TGM5: variants seen among roughly 807,000 people sequenced by gnomAD.
The protein encoded by TGM5 is protein-glutamine gamma-glutamyltransferase 5.
In TGM5, 69 loss-of-function variants were observed where a neutral mutation model predicts 77.2. The observed-to-expected ratio is 0.89, with a 90% CI of 0.74 to 1.09. The LOEUF is 1.09. Ranked by LOEUF, TGM5 falls within the 50% of genes least tolerant of loss-of-function variation. The probability of loss-of-function intolerance (pLI) is 0.00; values close to 1 mark genes in which losing one functional copy is unlikely to be tolerated. For missense variants in TGM5, 842 were observed against 896.5 expected, an observed-to-expected ratio of 0.94 and a Z score of 0.78; for synonymous variants, 346 against 351.8, an observed-to-expected ratio of 0.98 and a Z score of 0.18.
In TGM5 at chr15:43,256,669, C is replaced by T; in HGVS notation, c.454G>A (p.Asp152Asn). The T allele has an allele frequency of 6.2e-7, 1 of 1,613,700 alleles. No homozygotes were observed. The highest frequency in any genetic ancestry group is 8.5e-7 in the Non-Finnish European group (1 of 1,179,680). The change falls in exon 4 of 13, where the codon GAC becomes AAC. Residue 152 changes from aspartate to asparagine, a missense_variant. By Grantham distance (23) the Asp-to-Asn change is conservative. Coordinates refer to ENST00000220420, the MANE Select transcript of TGM5 (RefSeq NM_201631.4). Reference sequence around the variant, plus strand: ...TACTCCTGCCTCTGGGGTTCACTGTCCAAGTAGACAGCATCCTCTAGGAAC... The same window carrying T: ...TACTCCTGCCTCTGGGGTTCACTGTTCAAGTAGACAGCATCCTCTAGGAAC... Reference protein sequence around the residue: ...PWCPEDAVYLDSEPQRQEYVM... With the variant: ...PWCPEDAVYLNSEPQRQEYVM...
At chr15:43,259,001 C>A (rs955860426) in intron 3 of TGM5, among the ~76,000 whole-genome samples, 1 of 152,088 alleles carries the variant, frequency 6.6e-6, no homozygotes, top group Non-Finnish European at 1.5e-5. Flanking sequence ...TGGTTAGAGG[C>A]GTTAGAACCC....
In TGM5 at chr15:43,253,506, C is replaced by T. The variant is rs781595457; in HGVS notation, c.684G>A (p.Met228Ile). 1.9e-6 allele frequency: 3 copies of T among 1,611,680 alleles called. No homozygotes were observed. The highest frequency in any genetic ancestry group is 2.5e-6 in the Non-Finnish European group (3 of 1,180,014). ...TCCCCGGGCACGCCAGGGACCTCAC[C>T]ATGGCACACACCACTCTGCTGACGT... ...PVYVSRVVCAMINSNDDNGVL... is the reference protein window; with the variant it reads ...PVYVSRVVCAIINSNDDNGVL... Residue 228 changes from methionine (M) to isoleucine (I), a missense_variant and splice_region_variant, in exon 5 of 13, where the codon ATG becomes ATA. Coordinates refer to ENST00000220420, the MANE Select transcript of TGM5 (RefSeq NM_201631.4).
At chr15:43,249,453 C>G (rs2042690057) in intron 6 of TGM5, among the ~76,000 whole-genome samples, 1 of 152,218 alleles carries the variant, frequency 6.6e-6, no homozygotes, top group Non-Finnish European at 1.5e-5. Context: ...CCCTAAGCAA[C>G]CACGCTCTAC....
chr15:43,247,315 C>T (rs1483569736), intron 6 of TGM5, among the ~76,000 whole-genome samples: 1 of 151,702 alleles, frequency 6.6e-6, no homozygotes, highest in Non-Finnish European at 1.5e-5. Flanking sequence ...TGCAAAGAAA[C>T]AGAAAAATAT....
intron 8 of TGM5, 51 bp from the exon 9 acceptor site, chr15:43,239,107 A>G (rs375519935): frequency 1.3e-6 from 2 of 1,501,080 alleles, no homozygotes; most frequent in Non-Finnish European, 9.2e-7. Flanking sequence ...AGGGCTGGGC[A>G]GGGGTGGGGT....
chr15:43,244,846 T>C (rs1396348356), intron 6 of TGM5, among the ~76,000 whole-genome samples: 2 of 152,024 alleles, frequency 1.3e-5, no homozygotes, highest in Non-Finnish European at 2.9e-5. Context: ...GGAGGGAGGA[T>C]TGCTTGAGCC....
At chr15:43,261,078 T>A (rs1224673900) in intron 1 of TGM5, among the ~76,000 whole-genome samples, 2 of 50,390 alleles carry the variant, frequency 4.0e-5, no homozygotes, top group Non-Finnish European at 9.2e-5. Context: ...GTGTGTGTGT[T>A]TTTTTTTTTT....
rs113766373 is a variant in TGM5, at chr15:43,252,873, C to A, written c.748G>T (p.Ala250Ser). ...CTGCCCGTCCACTCCGCAGGGTTGG[C>A]GCCGTCTGTGTAATTCTCACTCCAG... ...GNWSENYTDG[A>S]NPAEWTGSVA... Residue 250 changes from alanine (A) to serine (S), a missense_variant, in exon 6 of 13, where the codon GCC becomes TCC. Around this residue, in one of 2 missense-constraint regions of TGM5, gnomAD observed 815 missense variants for 844.6 expected, o/e 0.96. Transcript: ENST00000220420. The A allele has an allele frequency of 1.6e-5, 26 of 1,613,866 alleles. 1 individual carries two copies. The African/African-American group carries it at 2.0e-4, about 12-fold the overall frequency.
At chr15:43,263,856 G>A (rs183751682) in intron 1 of TGM5, among the ~76,000 whole-genome samples, 5 of 152,234 alleles carry the variant, frequency 3.3e-5, no homozygotes, top group East Asian at 1.9e-4. Flanking sequence ...CAAGAACATC[G>A]TCAAGAAAGT....
At chr15:43,248,528 A>G (rs2042683668) in intron 6 of TGM5, among the ~76,000 whole-genome samples, 2 of 152,230 alleles carry the variant, frequency 1.3e-5, no homozygotes, top group Non-Finnish European at 2.9e-5. Flanking sequence ...GGCAGAGATT[A>G]AAACAGTACC....
chr15:43,260,001 G>T (rs770991084), intron 3 of TGM5, 51 bp downstream of exon 3: 12 of 1,611,106 alleles, frequency 7.4e-6, no homozygotes, highest in Middle Eastern at 4.4e-4. Context: ...TGTCTCTCTG[G>T]CAGCACTGAC....
At chr15:43,261,107 T>TTG (rs2042787684) in intron 1 of TGM5, among the ~76,000 whole-genome samples, 1 of 126,744 alleles carries the variant, frequency 7.9e-6, no homozygotes. Flanking sequence ...TTTTTTTTTT[T>TTG]GAGACAGAGT....
At chr15:43,239,900 G>A (rs79338229) in intron 7 of TGM5, among the ~76,000 whole-genome samples, 5,504 of 152,176 alleles carry the variant, frequency 0.036, 331 homozygotes, top group African/African-American at 0.12. Context: ...AGGTAAGGCC[G>A]TCCTGTGGTC....
In TGM5 at chr15:43,239,209, A is replaced by G. The variant is rs1220736401; in HGVS notation, c.1059T>C (p.Tyr353=). 3.7e-6 allele frequency: 6 copies of G among 1,614,038 alleles called. No homozygotes were observed. The highest frequency in any genetic ancestry group is 5.1e-6 in the Non-Finnish European group (6 of 1,180,040). The change falls in exon 8 of 13, where the codon TAT becomes TAC. Residue 353 remains tyrosine, a synonymous_variant. Coordinates refer to ENST00000220420, the MANE Select transcript of TGM5 (RefSeq NM_201631.4). ...TGGCGTCCAGCACCTGCCAGCCTCCATATGCAGGGGGCAGATCCTTCCGGG... is the reference window on the plus strand; with the variant it reads ...TGGCGTCCAGCACCTGCCAGCCTCCGTATGCAGGGGGCAGATCCTTCCGGG... The part of the protein sequence containing the change: ...WMARKDLPPA[Y]GGWQVLDATP...
intron 6 of TGM5, 21 bp from the exon 7 acceptor site, chr15:43,241,011 A>G (rs1384441408): frequency 6.2e-7 from 1 of 1,614,024 alleles, no homozygotes; most frequent in East Asian, 2.2e-5. Flanking sequence ...GGCACAAAAA[A>G]ATCACCTGTG....
chr15:43,258,143 G>A (rs1305343346), intron 3 of TGM5, among the ~76,000 whole-genome samples: 1 of 151,958 alleles, frequency 6.6e-6, no homozygotes, highest in Non-Finnish European at 1.5e-5. Flanking sequence ...ACAAGTTAAT[G>A]GGTGCAGCAC....
intron 6 of TGM5, among the ~76,000 whole-genome samples, chr15:43,247,158 CAA>C (rs763763932): frequency 2.0e-4 from 11 of 53,670 alleles, no homozygotes; most frequent in South Asian, 1.8e-3. Context: ...GACTCTGTCT[CAA>C]AAAAAAAAAA....
At chr15:43,254,281 A>T (rs2042728797) in intron 4 of TGM5, among the ~76,000 whole-genome samples, 1 of 152,190 alleles carries the variant, frequency 6.6e-6, no homozygotes, top group South Asian at 2.1e-4. Flanking sequence ...TACGTGATGT[A>T]GTCAAGTCTG....
intron 6 of TGM5, among the ~76,000 whole-genome samples, chr15:43,245,847 C>T (rs1345008759): frequency 1.3e-5 from 2 of 149,022 alleles, no homozygotes; most frequent in Non-Finnish European, 3.0e-5. Context: ...AGCTGTGAGA[C>T]CTGCTCTGTG....
Sources: gnomAD v4.1 joint callset for allele counts (sites outside exome capture counted in the v4.1 genomes callset) on GRCh38, gnomAD v4.1.1 for gene constraint, gnomAD v4.1.1 regional missense constraint, MANE v1.5 for transcripts, NCBI Gene and HGNC (gene_info 2026-07-23, HGNC 2026-07-21) for gene names.